SLC22A9: variants seen among roughly 807,000 people sequenced by gnomAD.
The protein encoded by SLC22A9 is solute carrier family 22 member 9.
Under a neutral mutation model 50.1 loss-of-function variants are expected in SLC22A9, and 64 were observed. The ratio of observed to expected loss-of-function variants is 1.28; its 90% confidence interval spans 1.04 to 1.57. The LOEUF (loss-of-function observed/expected upper bound fraction) is 1.57. Among genes scored for constraint, SLC22A9 ranks in the 40% most tolerant of loss-of-function variants. SLC22A9 has a pLI of 0.00. For synonymous variants in SLC22A9, 261 were observed against 242.5 expected (o/e 1.08, Z -0.71); for missense variants, 757 against 676.1 (o/e 1.12, Z -1.33).
At chr11:63,401,578 A>T (rs909307716) in intron 6 of SLC22A9, among the ~76,000 whole-genome samples, 1 of 152,128 alleles carries the variant, frequency 6.6e-6, no homozygotes, top group Non-Finnish European at 1.5e-5. Flanking sequence ...ATTCAATGCA[A>T]TCTCTATCAA....
intron 6 of SLC22A9, among the ~76,000 whole-genome samples, chr11:63,396,069 C>G (rs2014850207): frequency 6.6e-6 from 1 of 152,144 alleles, no homozygotes; most frequent in South Asian, 2.1e-4. Flanking sequence ...ACTAACAGCA[C>G]CGAGTCTGTT....
chr11:63,382,222 G>A lies in SLC22A9; in HGVS notation c.1018G>A (p.Glu340Lys), dbSNP rs1408469797. The A allele has an allele frequency of 3.0e-5, 48 of 1,609,242 alleles. No individual in the cohort carries two copies. The highest frequency in any genetic ancestry group is 4.0e-5 in the Non-Finnish European group (47 of 1,178,562). Residue 340 changes from glutamate (E) to lysine (K), a missense_variant, in exon 6 of 10, where the codon GAA (glutamate) becomes AAA (lysine). Physicochemically the swap from Glu to Lys is moderately conservative, Grantham distance 56. Transcript: ENST00000279178. ...AAQKKKPSLCEMLHMPNICKR... is the reference protein window; with the variant it reads ...AAQKKKPSLCKMLHMPNICKR... Reference sequence around the variant, plus strand: ...ACAAAAAAAAAAACCTTCTCTGTGTGAAATGCTCCACATGCCCAACATATG... The same window carrying A: ...ACAAAAAAAAAAACCTTCTCTGTGTAAAATGCTCCACATGCCCAACATATG...
At chr11:63,408,916 T>G (rs751061966) in intron 9 of SLC22A9, 37 bp downstream of exon 9, 4 of 1,606,410 alleles carry the variant, frequency 2.5e-6, no homozygotes, top group South Asian at 2.2e-5. Context: ...AGAGGATCTG[T>G]GTGCTATAGG....
At chr11:63,380,289 A>T (rs1456195671) in intron 5 of SLC22A9, among the ~76,000 whole-genome samples, 1 of 152,228 alleles carries the variant, frequency 6.6e-6, no homozygotes, top group Non-Finnish European at 1.5e-5. Flanking sequence ...AGATTTCTCA[A>T]ATAACTGAAA....
chr11:63,382,187 T>C lies in SLC22A9; in HGVS notation c.983T>C (p.Leu328Pro). ...EILKSTMKKELEAAQKKKPSL... is the reference protein window; with the variant it reads ...EILKSTMKKEPEAAQKKKPSL... ...TTGAAATCCACCATGAAAAAAGAAC[T>C]GGAGGCAGCACAAAAAAAAAAACCT... The change falls in exon 6 of 10, where the codon CTG becomes CCG. Residue 328 changes from leucine (L) to proline (P), a missense_variant. Physicochemically the swap from Leu to Pro is moderately conservative, Grantham distance 98. Coordinates refer to ENST00000279178, the MANE Select transcript of SLC22A9 (RefSeq NM_080866.3). 2 of 1,606,128 alleles carry C rather than the reference T, an allele frequency of 1.2e-6. No homozygotes were observed. The highest frequency in any genetic ancestry group is 1.1e-5 in the South Asian group (1 of 89,076).
intron 6 of SLC22A9, 82 bp downstream of exon 6, chr11:63,382,359 T>C: frequency 1.0e-6 from 1 of 954,832 alleles, no homozygotes; most frequent in Admixed American, 2.6e-5. Context: ...TACAGCATGT[T>C]TAGGAAACAG....
chr11:63,372,186 G>C (rs966727968), intron 2 of SLC22A9, among the ~76,000 whole-genome samples: 14 of 152,166 alleles, frequency 9.2e-5, no homozygotes, highest in African/African-American at 3.1e-4. Context: ...TAAAGACGAA[G>C]GGACAAGATA....
chr11:63,381,043 T>C (rs1042856066), intron 5 of SLC22A9, among the ~76,000 whole-genome samples: 74 of 152,184 alleles, frequency 4.9e-4, no homozygotes, highest in Non-Finnish European at 7.3e-5. Context: ...ATACCTAATG[T>C]TGCCTAAATT....
At chr11:63,386,673 A>AC (rs1490708920) in intron 6 of SLC22A9, among the ~76,000 whole-genome samples, 3 of 150,792 alleles carry the variant, frequency 2.0e-5, no homozygotes, top group Non-Finnish European at 4.4e-5. Context: ...GGTGATATCC[A>AC]CTTTGCCATT....
In SLC22A9 at chr11:63,408,836, A is replaced by G; in HGVS notation, c.1558A>G (p.Arg520Gly). 1.2e-6 allele frequency: 2 copies of G among 1,613,970 alleles called. No homozygotes were observed. Among genetic ancestry groups the G allele is most frequent in the Non-Finnish European group, 1.7e-6 (2 of 1,179,920 alleles). ...GFAFLLLPET[R>G]NKPLFDTIQD... Reference sequence around the variant, plus strand: ...TGCTTTCCTCCTCCTTCCTGAAACCAGGAACAAGCCTCTGTTTGACACCAT... The same window carrying G: ...TGCTTTCCTCCTCCTTCCTGAAACCGGGAACAAGCCTCTGTTTGACACCAT... The change falls in exon 9 of 10, where the codon AGG (arginine) becomes GGG (glycine). Residue 520 changes from arginine to glycine, a missense_variant. By Grantham distance (125) the Arg-to-Gly change is moderately radical. Coordinates refer to ENST00000279178, the MANE Select transcript of SLC22A9 (RefSeq NM_080866.3).
rs747855907 is a variant in SLC22A9 at position 63,375,657 on chromosome 11, G to A, written c.843G>A (p.Glu281=). Residue 281 remains glutamate (E), a synonymous_variant, in exon 5 of 10, where the codon GAG becomes GAA. Coordinates refer to ENST00000279178, the MANE Select transcript of SLC22A9 (RefSeq NM_080866.3). The part of the protein sequence containing the change: ...VIFLTSSWLL[E]SARWLIINNK... ...CTTCCTTGGTCAGTTGGCTGCTAGA[G>A]TCTGCTCGGTGGCTCATTATCAACA... The A allele has an allele frequency of 6.2e-7, 1 of 1,612,420 alleles. No individual in the cohort carries two copies. Among genetic ancestry groups the A allele is most frequent in the South Asian group, 1.1e-5 (1 of 91,016 alleles).
At chr11:63,374,150 T>C (rs139391973) in intron 4 of SLC22A9, 88 bp downstream of exon 4, 211 of 1,312,224 alleles carry the variant, frequency 1.6e-4, no homozygotes, top group Non-Finnish European at 2.1e-4. Context: ...TTTTTGTTCT[T>C]TGTGTAAACC....
At chr11:63,383,730 A>G (rs918481493) in intron 6 of SLC22A9, among the ~76,000 whole-genome samples, 1 of 152,166 alleles carries the variant, frequency 6.6e-6, no homozygotes, top group African/African-American at 2.4e-5. Flanking sequence ...CAGCTACCAT[A>G]ACAATGCACA....
chr11:63,397,618 C>T (rs978272035), intron 6 of SLC22A9, among the ~76,000 whole-genome samples: 1 of 152,014 alleles, frequency 6.6e-6, no homozygotes, highest in Admixed American at 6.6e-5. Flanking sequence ...CCATTCTTCC[C>T]ACCCTTTTCC....
intron 6 of SLC22A9, among the ~76,000 whole-genome samples, chr11:63,396,173 G>GT (rs1286422885): frequency 6.6e-6 from 1 of 152,182 alleles, no homozygotes; most frequent in Admixed American, 6.5e-5. Context: ...TTCTCTGCCT[G>GT]TGGAGTCTGC....
At chr11:63,371,305 T>C in intron 2 of SLC22A9, 67 bp downstream of exon 2, 1 of 1,267,098 alleles carries the variant, frequency 7.9e-7, no homozygotes, top group Non-Finnish European at 1.1e-6. Flanking sequence ...CATTATTTCA[T>C]CTAGAATTAC....
chr11:63,382,017 A>G, intron 5 of SLC22A9, 142 bp from the exon 6 acceptor site: 1 of 621,294 alleles, frequency 1.6e-6, no homozygotes, highest in East Asian at 2.6e-5. Context: ...TTTTACACAT[A>G]TCATTGCATT....
intron 6 of SLC22A9, among the ~76,000 whole-genome samples, chr11:63,403,600 A>C (rs1235779638): frequency 6.6e-6 from 1 of 152,058 alleles, no homozygotes; most frequent in Non-Finnish European, 1.5e-5. Context: ...AAAAACTGAA[A>C]ACTCTTCCTT....
chr11:63,389,968 T>C (rs1195649152), intron 6 of SLC22A9, among the ~76,000 whole-genome samples: 3 of 152,184 alleles, frequency 2.0e-5, no homozygotes, highest in Non-Finnish European at 4.4e-5. Context: ...GCTGGCCACA[T>C]AAATGTTGTC....
Sources: allele counts gnomAD v4.1 joint callset (sites outside exome capture counted in the v4.1 genomes callset), GRCh38; gene constraint gnomAD v4.1.1; transcripts MANE v1.5; gene names NCBI Gene and HGNC (gene_info 2026-07-23, HGNC 2026-07-21).